The following TUFT1 variants were observed in gnomAD, a reference collection of about 807,000 sequenced individuals.
TUFT1 encodes tuftelin.
A neutral mutation model predicts 57.8 loss-of-function variants in TUFT1; 43 were observed. That is an observed-to-expected ratio of 0.74 (90% CI 0.58 to 0.96). TUFT1 has a LOEUF of 0.96. Among genes scored for constraint, TUFT1 ranks in the 40% least tolerant of loss-of-function variants. TUFT1 has a pLI of 0.00. For synonymous variants in TUFT1, 166 were observed against 176.7 expected (o/e 0.94, Z 0.48); for missense variants, 459 against 489.0 (o/e 0.94, Z 0.58).
At chr1:151,552,352 A>G (rs1160104404) in intron 1 of TUFT1, among the ~76,000 whole-genome samples, 1 of 152,212 alleles carries the variant, frequency 6.6e-6, no homozygotes, top group Non-Finnish European at 1.5e-5. Context: ...TGCCAGGGCA[A>G]AGGGAAAGCC....
Position 151,581,936 on chromosome 1 carries a change from C to T in TUFT1, c.*229C>T, listed in dbSNP as rs79250719. ...CAGCCCTTTGGAAGACATTGTCCTG[C>T]AAGCAGGAGCCAGGGCAATATCTAT... On this transcript the variant is annotated 3_prime_UTR_variant, in exon 13 of 13. Coordinates refer to ENST00000368849, the MANE Select transcript of TUFT1 (RefSeq NM_020127.3). 3.9e-3 allele frequency: 2,421 copies of T among 617,840 alleles called. 40 individuals are homozygous for T. The African/African-American group carries it at 0.04, about 10-fold the overall frequency. 38.3% of individuals were successfully genotyped at this position (617,840 alleles called of 1,614,324 possible).
At chr1:151,545,184 C>T (rs1490081211) in intron 1 of TUFT1, among the ~76,000 whole-genome samples, 4 of 152,058 alleles carry the variant, frequency 2.6e-5, no homozygotes, top group African/African-American at 9.7e-5. Context: ...GTGGTGCGCA[C>T]CTATAATCCC....
At chr1:151,557,354 A>T (rs1422268210) in intron 1 of TUFT1, 3 of 607,478 alleles carry the variant, frequency 4.9e-6, no homozygotes, top group Non-Finnish European at 5.9e-6. Context: ...CACATCAGAC[A>T]TTGTTATACT....
At chr1:151,543,971 C>T (rs1004855630) in intron 1 of TUFT1, among the ~76,000 whole-genome samples, 2 of 139,696 alleles carry the variant, frequency 1.4e-5, no homozygotes, top group Admixed American at 8.2e-5. Flanking sequence ...TCTTTCCATC[C>T]TTCTTTAAAT....
intron 1 of TUFT1, among the ~76,000 whole-genome samples, chr1:151,553,633 T>C (rs1336080296): frequency 6.6e-6 from 1 of 152,168 alleles, no homozygotes; most frequent in East Asian, 1.9e-4. Context: ...GGGTATCATA[T>C]TCTGAGATCC....
Position 151,583,237 on chromosome 1 carries a change from G to GGT in TUFT1, c.*1533_*1534dup, listed in dbSNP as rs1666698642. ...GCTTGAGCTACTGCGCCCGGCCCATGGTGTTTTTCTTTAGGGCTCTTCCTA... is the reference window on the plus strand; with the variant it reads ...GCTTGAGCTACTGCGCCCGGCCCATGGTGTGTTTTTCTTTAGGGCTCTTCCTA... On this transcript the variant is annotated 3_prime_UTR_variant, in exon 13 of 13. Transcript: ENST00000368849. 6.6e-6 allele frequency: 1 copy of GGT among 152,086 alleles called. No individual in the cohort carries two copies. The highest frequency in any genetic ancestry group is 2.4e-5 in the African/African-American group (1 of 41,386). The allele number at this position is 152,086 out of a possible 1,614,324, so 9.4% of individuals were successfully genotyped here. A position where few individuals can be genotyped will look rare whatever the true frequency, so the allele number is the denominator to read the frequency against.
intron 1 of TUFT1, among the ~76,000 whole-genome samples, chr1:151,543,823 A>C (rs1665244557): frequency 6.6e-6 from 1 of 152,106 alleles, no homozygotes; most frequent in South Asian, 2.1e-4. Flanking sequence ...ACAGTGATGG[A>C]AGGAGATTCT....
At chr1:151,561,747 G>A (rs1006875249) in intron 1 of TUFT1, 5 of 1,319,642 alleles carry the variant, frequency 3.8e-6, no homozygotes, top group South Asian at 1.2e-5. Flanking sequence ...AGGATGAGCA[G>A]TCCAGGAATG....
At position 151,562,170 on chromosome 1, in the gene TUFT1, T is replaced by A. The variant is rs778474815; in HGVS notation, c.135+5T>A. On this transcript the variant is annotated splice_donor_5th_base_variant and intron_variant, in intron 2 of 12. Transcript: ENST00000368849. ...CTTGAACACATAGCCCAGAAGGTAC[T>A]GCGGAATTCTGGTGGGCAAGGCCCC... The A allele has an allele frequency of 6.2e-7, 1 of 1,613,232 alleles. No individual in the cohort carries two copies. The highest frequency in any genetic ancestry group is 2.2e-5 in the East Asian group (1 of 44,884).
intron 1 of TUFT1, chr1:151,545,989 A>AT: frequency 4.2e-6 from 1 of 235,700 alleles, no homozygotes; most frequent in Non-Finnish European, 9.0e-6. Flanking sequence ...TCTTTCGAAT[A>AT]TTTGCATTTT....
At chr1:151,557,989 TAAA>T in intron 1 of TUFT1, 2 of 374,408 alleles carry the variant, frequency 5.3e-6, no homozygotes, top group African/African-American at 2.3e-5. Context: ...CAAAAAAACT[TAAA>T]AAAAAAAAAA....
chr1:151,562,099 G>A lies in TUFT1; in HGVS notation c.69G>A (p.Val23=). The change falls in exon 2 of 13, where the codon GTG becomes GTA. Residue 23 remains valine, a synonymous_variant. Coordinates refer to ENST00000368849, the MANE Select transcript of TUFT1 (RefSeq NM_020127.3). ...GTCATTGTCATTATTAGGGCAGCGT[G>A]GACATTCTCAGGCTGACTCTCCAGG... is the stretch of plus-strand genomic sequence containing the variant. ...VHPEDQAAGS[V]DILRLTLQGE... 1.2e-6 allele frequency: 2 copies of A among 1,614,080 alleles called. No individual in the cohort carries two copies. The highest frequency in any genetic ancestry group is 1.7e-6 in the Non-Finnish European group (2 of 1,179,952).
At position 151,581,765 on chromosome 1, in the gene TUFT1, C is replaced by A; in HGVS notation, c.*58C>A. On this transcript the variant is annotated 3_prime_UTR_variant, in exon 13 of 13. Transcript: ENST00000368849. ...GCCTCTGCCTCGGAGAAGCCCACTG[C>A]CCCTGTTGGCTGTTAACACTGCCTT... The A allele has an allele frequency of 3.2e-6, 5 of 1,562,342 alleles. No individual in the cohort carries two copies. Among genetic ancestry groups the A allele is most frequent in the Non-Finnish European group, 3.5e-6 (4 of 1,133,390 alleles).
At chr1:151,545,198 T>G (rs943176060) in intron 1 of TUFT1, among the ~76,000 whole-genome samples, 10 of 152,148 alleles carry the variant, frequency 6.6e-5, no homozygotes, top group South Asian at 2.1e-4. Context: ...TAATCCCAGC[T>G]ACTTGGGAGA....
Position 151,562,172 on chromosome 1 carries a change from C to A in TUFT1, c.135+7C>A, listed in dbSNP as rs371147642. On this transcript the variant is annotated splice_region_variant and intron_variant, in intron 2 of 12. Transcript: ENST00000368849. ...TGAACACATAGCCCAGAAGGTACTG[C>A]GGAATTCTGGTGGGCAAGGCCCCCT... 2 of 1,612,654 alleles carry A rather than the reference C, an allele frequency of 1.2e-6. No individual in the cohort carries two copies. Among genetic ancestry groups the A allele is most frequent in the Admixed American group, 1.7e-5 (1 of 59,988 alleles).
intron 7 of TUFT1, among the ~76,000 whole-genome samples, chr1:151,573,103 A>G (rs114730142): frequency 0.02 from 3,105 of 151,998 alleles, 110 homozygotes; most frequent in African/African-American, 0.072. Context: ...CGTCAGTTCC[A>G]CTCATTATTT....
intron 5 of TUFT1, 181 bp from the exon 6 acceptor site, chr1:151,565,982 C>T: frequency 8.2e-6 from 4 of 490,632 alleles, no homozygotes; most frequent in Non-Finnish European, 1.1e-5. Context: ...TCCTCTTCTC[C>T]TTTCTTCATT....
At chr1:151,569,537 C>CT (rs1236924189) in intron 6 of TUFT1, 120 bp from the exon 7 acceptor site, 1 of 742,760 alleles carries the variant, frequency 1.3e-6, no homozygotes, top group East Asian at 2.5e-5. Context: ...GATGACAGTT[C>CT]TTTTTTGAGG....
chr1:151,564,085 C>CTCTT (rs1665987274), intron 4 of TUFT1, 95 bp downstream of exon 4: 2 of 967,042 alleles, frequency 2.1e-6, no homozygotes, highest in African/African-American at 1.6e-5. Context: ...TGGTTTTTCC[C>CTCTT]CTTCTTTTTC....
Sources: allele counts gnomAD v4.1 joint callset (sites outside exome capture counted in the v4.1 genomes callset), GRCh38; gene constraint gnomAD v4.1.1; transcripts MANE v1.5; gene names NCBI Gene and HGNC (gene_info 2026-07-23, HGNC 2026-07-21).